GALNT18: variants seen among roughly 807,000 people sequenced by gnomAD.
The protein encoded by GALNT18 is polypeptide N-acetylgalactosaminyltransferase 18, also known as GalNAc-transferase 18.
A neutral mutation model predicts 69.5 loss-of-function variants in GALNT18; 44 were observed. That is an observed-to-expected ratio of 0.63 (90% CI 0.50 to 0.81). The LOEUF (loss-of-function observed/expected upper bound fraction) is 0.81, where lower values mean the gene tolerates loss of function less well. Ranked by LOEUF, GALNT18 falls within the 40% of genes least tolerant of loss-of-function variation. The pLI is 0.00. For synonymous variants in GALNT18, 364 were observed against 318.2 expected, an observed-to-expected ratio of 1.14 and a Z score of -1.53; for missense variants, 715 against 810.0, an observed-to-expected ratio of 0.88 and a Z score of 1.42.
intron 9 of GALNT18, among the ~76,000 whole-genome samples, chr11:11,319,251 C>T (rs1849804186): frequency 6.6e-6 from 1 of 152,198 alleles, no homozygotes; most frequent in South Asian, 2.1e-4. Context: ...CCATTGCTGG[C>T]TGAAATCCAA....
chr11:11,589,196 G>C (rs972926401), intron 1 of GALNT18, among the ~76,000 whole-genome samples: 1 of 152,156 alleles, frequency 6.6e-6, no homozygotes, highest in Non-Finnish European at 1.5e-5. Flanking sequence ...AGGGGGCTGC[G>C]TTAGTTTGCA....
chr11:11,352,085 G>C (rs758156893), intron 6 of GALNT18: 6 of 1,613,616 alleles, frequency 3.7e-6, no homozygotes. Context: ...CGCTGCTGAC[G>C]GGCGTACTGC....
Position 11,495,911 on chromosome 11 carries a change from T to C in GALNT18, c.236-46975A>G, listed in dbSNP as rs944262181. Among the ~76,000 whole-genome samples, 3 of 152,218 alleles carry C rather than the reference T, an allele frequency of 2.0e-5. No homozygotes were observed. In the South Asian group the frequency reaches 6.2e-4, roughly 32 times the overall value. On this transcript the variant is annotated intron_variant, in intron 1 of 10. Transcript: ENST00000227756. ...CCTCTCAAGGCAGTCCTCTGCCACC[T>C]TCTCTAAGACTCCCAACTTGATGAT...
intron 10 of GALNT18, among the ~76,000 whole-genome samples, chr11:11,282,964 G>A (rs542670586): frequency 1.1e-4 from 17 of 152,078 alleles, no homozygotes; most frequent in South Asian, 2.1e-4. Flanking sequence ...GGAGGCAGAC[G>A]GCAAGTGTAA....
At chr11:11,556,781 G>T (rs539367921) in intron 1 of GALNT18, among the ~76,000 whole-genome samples, 9 of 152,194 alleles carry the variant, frequency 5.9e-5, no homozygotes, top group Non-Finnish European at 1.2e-4. Context: ...CCAATTATGA[G>T]CAATAGAAAA....
intron 10 of GALNT18, among the ~76,000 whole-genome samples, chr11:11,284,908 G>GTTTTTTTTTT (rs58795517): frequency 0.021 from 1,699 of 82,550 alleles, 154 homozygotes; most frequent in Non-Finnish European, 0.029. Context: ...AGACTTTCGT[G>GTTTTTTTTTT]TTTTTTTTTT....
At position 11,271,147 on chromosome 11, in the gene GALNT18, G is replaced by C; in HGVS notation, c.1821C>G (p.Ser607=). 1 of 1,610,706 alleles carries C rather than the reference G, an allele frequency of 6.2e-7. No homozygotes were observed. The highest frequency in any genetic ancestry group is 1.1e-5 in the South Asian group (1 of 90,978). Residue 607 remains serine (S), a synonymous_variant, in exon 11 of 11, where the codon TCC becomes TCG. Coordinates refer to ENST00000227756, the MANE Select transcript of GALNT18 (RefSeq NM_198516.3). ...AGCCGGAAGTGGCCCCGGTGGGTCAGGACGCGAGGCTCCTCAGGACGTTGG... is the reference window on the plus strand; with the variant it reads ...AGCCGGAAGTGGCCCCGGTGGGTCACGACGCGAGGCTCCTCAGGACGTTGG... ...SITNVLRSLA[S] is the part of the protein sequence containing the mutation.
Position 11,415,724 on chromosome 11 carries a change from T to C in GALNT18, c.595+16897A>G, listed in dbSNP as rs1311606116. Among the ~76,000 whole-genome samples the C allele has an allele frequency of 6.6e-6, 1 of 152,272 alleles. No individual in the cohort carries two copies. The highest frequency in any genetic ancestry group is 1.9e-4 in the East Asian group (1 of 5,174). ...AGAATCTATCTCCCACCCACACCTATGCGTCTTCCCACCCATGCATCCATG... is the reference window on the plus strand; with the variant it reads ...AGAATCTATCTCCCACCCACACCTACGCGTCTTCCCACCCATGCATCCATG... On this transcript the variant is annotated intron_variant, in intron 3 of 10. Coordinates refer to ENST00000227756, the MANE Select transcript of GALNT18 (RefSeq NM_198516.3). This position sits in a 1 kb window ranked among gnomAD's most constrained non-coding sequence, Gnocchi z 4.1.
At chr11:11,468,289 A>T (rs1016844957) in intron 1 of GALNT18, among the ~76,000 whole-genome samples, 1 of 152,150 alleles carries the variant, frequency 6.6e-6, no homozygotes, top group African/African-American at 2.4e-5. Flanking sequence ...GCATGGAAAG[A>T]CCCACCTCCC....
chr11:11,432,835 TCTCAG>T lies in GALNT18; in HGVS notation c.429-53_429-49del. On this transcript the variant is annotated intron_variant, in intron 2 of 10. Transcript: ENST00000227756. This position sits in a 1 kb window ranked among gnomAD's most constrained non-coding sequence, Gnocchi z 5.8. ...TAGATTTGTGACTCAGCTGGAGTCA[TCTCAG>T]GAGCTGACCCAGCCCATGTCCTGGC... 1 of 1,576,174 alleles carries T rather than the reference TCTCAG, an allele frequency of 6.3e-7. No individual in the cohort carries two copies.
chr11:11,587,471 C>A lies in GALNT18; in HGVS notation c.235+33888G>T, dbSNP rs899107550. 1.3e-5 allele frequency among the ~76,000 whole-genome samples: 2 copies of A among 152,200 alleles called. No homozygotes were observed. The highest frequency in any genetic ancestry group is 2.9e-5 in the Non-Finnish European group (2 of 68,038). ...AGCTTTTCTGCAGGTTGCTAATGAGCAGTGAGCATATCCAAAGCCTCGATC... is the reference window on the plus strand; with the variant it reads ...AGCTTTTCTGCAGGTTGCTAATGAGAAGTGAGCATATCCAAAGCCTCGATC... On this transcript the variant is annotated intron_variant, in intron 1 of 10. Coordinates refer to ENST00000227756, the MANE Select transcript of GALNT18 (RefSeq NM_198516.3). The surrounding 1 kb of genome is among the most constrained non-coding windows in gnomAD (Gnocchi z 4.4).
chr11:11,408,824 G>A (rs1237224313), intron 3 of GALNT18, among the ~76,000 whole-genome samples: 4 of 152,236 alleles, frequency 2.6e-5, no homozygotes, highest in South Asian at 2.1e-4. Context: ...AGTATATATG[G>A]CACAGGGCCA....
At chr11:11,491,905 C>A (rs548834927) in intron 1 of GALNT18, among the ~76,000 whole-genome samples, 2 of 152,286 alleles carry the variant, frequency 1.3e-5, no homozygotes, top group African/African-American at 4.8e-5. Flanking sequence ...ACAAAGAAAG[C>A]CTACCCATTA....
chr11:11,372,447 TC>T lies in GALNT18; in HGVS notation c.1092+67del. ...GACCCTCAACCTTAAACCCCATTTCTCCACCCCCAGACTCATTCACCCTGGT... is the reference window on the plus strand; with the variant it reads ...GACCCTCAACCTTAAACCCCATTTCTCACCCCCAGACTCATTCACCCTGGT... On this transcript the variant is annotated intron_variant, in intron 6 of 10. Transcript: ENST00000227756. The surrounding 1 kb of genome is among the most constrained non-coding windows in gnomAD (Gnocchi z 4.9). 2 of 1,224,748 alleles carry T rather than the reference TC, an allele frequency of 1.6e-6. No homozygotes were observed. Among genetic ancestry groups the T allele is most frequent in the Non-Finnish European group, 1.2e-6 (1 of 829,014 alleles). The allele number at this position is 1,224,748 out of a possible 1,614,324, so 75.9% of individuals were successfully genotyped here.
At chr11:11,506,272 T>C (rs1382466920) in intron 1 of GALNT18, among the ~76,000 whole-genome samples, 2 of 152,250 alleles carry the variant, frequency 1.3e-5, no homozygotes, top group African/African-American at 2.4e-5. Context: ...TTGCTAGGTC[T>C]AAGCTATTCA....
At chr11:11,360,345 A>G (rs1250571779) in intron 6 of GALNT18, among the ~76,000 whole-genome samples, 3 of 152,202 alleles carry the variant, frequency 2.0e-5, no homozygotes, top group African/African-American at 7.2e-5. Context: ...AGGATCTTTC[A>G]GCCTTGCGTT....
At chr11:11,379,557 T>C (rs1253012175) in intron 3 of GALNT18, among the ~76,000 whole-genome samples, 1 of 152,016 alleles carries the variant, frequency 6.6e-6, no homozygotes, top group Non-Finnish European at 1.5e-5. Flanking sequence ...AATAGGAAAA[T>C]GGTAGCTCAA....
intron 10 of GALNT18, among the ~76,000 whole-genome samples, chr11:11,288,186 A>G (rs1409688792): frequency 6.6e-6 from 1 of 152,254 alleles, no homozygotes; most frequent in South Asian, 2.1e-4. Context: ...ACCTCCTTGG[A>G]ATGGCTTTCA....
intron 1 of GALNT18, among the ~76,000 whole-genome samples, chr11:11,551,151 T>C (rs1373034142): frequency 1.3e-5 from 2 of 151,540 alleles, no homozygotes; most frequent in African/African-American, 2.4e-5. Flanking sequence ...CTATAACAAG[T>C]TCACTTTATT....
Sources: gnomAD v4.1 joint callset for allele counts (sites outside exome capture counted in the v4.1 genomes callset) on GRCh38, gnomAD v4.1.1 for gene constraint, Gnocchi (gnomAD v3.1) non-coding constraint, MANE v1.5 for transcripts, NCBI Gene and HGNC (gene_info 2026-07-23, HGNC 2026-07-21) for gene names.